PTPRK: variants seen among roughly 807,000 people sequenced by gnomAD.
PTPRK encodes protein tyrosine phosphatase receptor type K, also known as receptor-type tyrosine-protein phosphatase kappa.
PTPRK carries 75 observed loss-of-function variants against 178.0 expected under a neutral mutation model. The observed-to-expected ratio is 0.42, with a 90% CI of 0.35 to 0.51. The LOEUF (loss-of-function observed/expected upper bound fraction) is 0.51, where lower values mean the gene tolerates loss of function less well. Ranked by LOEUF, PTPRK falls within the 20% of genes least tolerant of loss-of-function variation. The pLI is 0.02. For synonymous variants in PTPRK, 637 were observed against 620.6 expected, an observed-to-expected ratio of 1.03 and a Z score of -0.39; for missense variants, 1,441 against 1,797.8, an observed-to-expected ratio of 0.80 and a Z score of 3.59.
intron 6 of PTPRK, among the ~76,000 whole-genome samples, chr6:128,209,632 T>C (rs1807704825): frequency 6.6e-6 from 1 of 152,194 alleles, no homozygotes; most frequent in African/African-American, 2.4e-5. Context: ...TGATGAGACC[T>C]GCTAGACTTT....
At chr6:128,249,686 A>C (rs1194137581) in intron 3 of PTPRK, among the ~76,000 whole-genome samples, 2 of 152,166 alleles carry the variant, frequency 1.3e-5, no homozygotes, top group Non-Finnish European at 2.9e-5. Flanking sequence ...GGCGCTTTCC[A>C]CACATATACT....
chr6:128,205,488 G>A (rs1225709176), intron 6 of PTPRK, among the ~76,000 whole-genome samples: 3 of 152,086 alleles, frequency 2.0e-5, no homozygotes, highest in Middle Eastern at 3.4e-3. Flanking sequence ...GGTGGCTCAC[G>A]CCTATAATCC....
chr6:128,140,421 T>C (rs974944349), intron 7 of PTPRK, among the ~76,000 whole-genome samples: 1 of 152,018 alleles, frequency 6.6e-6, no homozygotes, highest in Non-Finnish European at 1.5e-5. Context: ...TATCTCATAA[T>C]AAATGTCAGG....
chr6:128,415,420 G>C (rs1842738438), intron 1 of PTPRK, among the ~76,000 whole-genome samples: 1 of 150,588 alleles, frequency 6.6e-6, no homozygotes, highest in Admixed American at 6.6e-5. Context: ...TAATGAATAA[G>C]TTAGCTATTA....
At chr6:128,343,752 C>T (rs984232079) in intron 2 of PTPRK, among the ~76,000 whole-genome samples, 5 of 152,166 alleles carry the variant, frequency 3.3e-5, no homozygotes, top group African/African-American at 9.7e-5. Flanking sequence ...TCATAAATTA[C>T]GTGAAACAGA....
intron 7 of PTPRK, among the ~76,000 whole-genome samples, chr6:128,099,807 T>A (rs1788491698): frequency 6.6e-6 from 1 of 152,082 alleles, no homozygotes; most frequent in Non-Finnish European, 1.5e-5. Flanking sequence ...TCATGCATGA[T>A]TAACAGCTTG....
At chr6:128,344,474 A>T (rs1026695578) in intron 2 of PTPRK, among the ~76,000 whole-genome samples, 3 of 152,102 alleles carry the variant, frequency 2.0e-5, no homozygotes, top group Non-Finnish European at 2.9e-5. Flanking sequence ...AGCCTGATTC[A>T]ACAAAATTAG....
At chr6:128,417,652 G>A (rs1173233567) in intron 1 of PTPRK, among the ~76,000 whole-genome samples, 1 of 152,104 alleles carries the variant, frequency 6.6e-6, no homozygotes, top group Admixed American at 6.6e-5. Context: ...CAATAAAGGT[G>A]GGCCTTCCAT....
At chr6:128,189,391 C>G (rs947957152) in intron 6 of PTPRK, among the ~76,000 whole-genome samples, 5 of 151,526 alleles carry the variant, frequency 3.3e-5, no homozygotes. Flanking sequence ...AGGTGCATGC[C>G]ACCACACCCG....
chr6:128,511,910 G>A (rs1051472946), intron 1 of PTPRK, among the ~76,000 whole-genome samples: 6 of 152,102 alleles, frequency 3.9e-5, no homozygotes, highest in African/African-American at 1.4e-4. Context: ...CTGATCACAG[G>A]CCCTAGCAGG....
chr6:128,027,549 T>C (rs1052680552), intron 13 of PTPRK, among the ~76,000 whole-genome samples: 3 of 152,112 alleles, frequency 2.0e-5, no homozygotes, highest in Non-Finnish European at 4.4e-5. Context: ...CAAACTCTTT[T>C]AATATATTAT....
chr6:127,981,084 A>G, intron 25 of PTPRK, 32 bp downstream of exon 25: 1 of 1,598,514 alleles, frequency 6.3e-7, no homozygotes, highest in South Asian at 1.1e-5. Flanking sequence ...TTTCCACAAC[A>G]CTCTACACTA....
intron 13 of PTPRK, among the ~76,000 whole-genome samples, chr6:128,033,688 G>T (rs1232544523): frequency 6.6e-6 from 1 of 152,054 alleles, no homozygotes; most frequent in East Asian, 1.9e-4. Context: ...CCTGGGCTAC[G>T]TAGAGAGATC....
chr6:128,344,382 C>T lies in PTPRK; in HGVS notation c.224-22072G>A, dbSNP rs1243067680. On this transcript the variant is annotated intron_variant, in intron 2 of 29. Transcript: ENST00000368226. ...TACATCAGGATTCTTATGCTGAATT[C>T]GCTAACAATTGGAGATCTGTGTTTA... is the stretch of plus-strand genomic sequence containing the variant. Among the ~76,000 whole-genome samples, 4 of 152,210 alleles carry T rather than the reference C, an allele frequency of 2.6e-5. No individual in the cohort carries two copies. In the East Asian group the frequency reaches 5.8e-4, roughly 22 times the overall value.
chr6:128,277,518 G>C (rs116075287), intron 3 of PTPRK, among the ~76,000 whole-genome samples: 1,970 of 152,222 alleles, frequency 0.013, 43 homozygotes, highest in African/African-American at 0.045. Context: ...TATGTGACCT[G>C]TTCTCCCAAA....
rs1007187783 is a variant in PTPRK at position 128,010,741 on chromosome 6, C to A, written c.2195-1473G>T. Among the ~76,000 whole-genome samples the A allele has an allele frequency of 2.0e-5, 3 of 151,284 alleles. No individual in the cohort carries two copies. The Admixed American group carries it at 2.0e-4, about 10-fold the overall frequency. ...AACTTTGTAAAACAATTCACTATAA[C>A]TGTCTTAATTTATCTTATTTCAATT... On this transcript the variant is annotated intron_variant, in intron 13 of 29. Transcript: ENST00000368226.
intron 1 of PTPRK, among the ~76,000 whole-genome samples, chr6:128,464,640 T>TAC (rs1371215643): frequency 3.9e-5 from 2 of 51,168 alleles, no homozygotes; most frequent in African/African-American, 2.5e-4. Flanking sequence ...TATATACACA[T>TAC]ATATATATAT....
chr6:128,156,826 T>A (rs970710522), intron 7 of PTPRK, among the ~76,000 whole-genome samples: 2 of 151,990 alleles, frequency 1.3e-5, no homozygotes, highest in Non-Finnish European at 2.9e-5. Flanking sequence ...TGTCTGTATG[T>A]ATATATACAT....
intron 13 of PTPRK, chr6:128,063,613 A>T (rs561644921): frequency 1.3e-5 from 2 of 152,332 alleles, no homozygotes; most frequent in Non-Finnish European, 1.5e-5. Context: ...AGTAAGCTAA[A>T]TTTTTAAAAT....
Sources: allele counts gnomAD v4.1 joint callset (sites outside exome capture counted in the v4.1 genomes callset), GRCh38; gene constraint gnomAD v4.1.1; transcripts MANE v1.5; gene names NCBI Gene and HGNC (gene_info 2026-07-23, HGNC 2026-07-21).